The following LPIN2 variants were observed in gnomAD, a reference collection of about 807,000 sequenced individuals.
LPIN2 encodes the protein lipin 2.
A neutral mutation model predicts 111.4 loss-of-function variants in LPIN2; 55 were observed. That is an observed-to-expected ratio of 0.49 (90% CI 0.40 to 0.62). LPIN2 has a LOEUF of 0.62. Among genes scored for constraint, LPIN2 ranks in the 20% least tolerant of loss-of-function variants. LPIN2 has a pLI of 0.00. For missense variants in LPIN2, 992 were observed against 1,112.1 expected, an observed-to-expected ratio of 0.89 and a Z score of 1.54; for synonymous variants, 425 against 414.0, an observed-to-expected ratio of 1.03 and a Z score of -0.32.
chr18:3,009,858 T>TA (rs1385408328), intron 1 of LPIN2, among the ~76,000 whole-genome samples: 2 of 152,252 alleles, frequency 1.3e-5, no homozygotes, highest in Non-Finnish European at 2.9e-5. Context: ...ATCAAATTAG[T>TA]AAAAATGTTT....
intron 4 of LPIN2, among the ~76,000 whole-genome samples, chr18:2,945,342 C>T (rs1209054311): frequency 4.6e-5 from 7 of 152,094 alleles, no homozygotes; most frequent in African/African-American, 1.4e-4. Context: ...TAGGGAGAAA[C>T]GAATAATCAA....
chr18:2,996,277 T>C (rs2078339862), intron 1 of LPIN2, among the ~76,000 whole-genome samples: 1 of 150,392 alleles, frequency 6.6e-6, no homozygotes, highest in Admixed American at 6.6e-5. Flanking sequence ...GAGTGGGAGG[T>C]TGCAGTGAGC....
At chr18:2,939,404 C>T (rs1260592661) in intron 6 of LPIN2, 76 bp downstream of exon 6, 2 of 1,587,022 alleles carry the variant, frequency 1.3e-6, no homozygotes. Flanking sequence ...AAATTGCCTC[C>T]TTTACTTATG....
intron 1 of LPIN2, among the ~76,000 whole-genome samples, chr18:2,971,984 T>C (rs963828825): frequency 6.6e-6 from 1 of 151,552 alleles, no homozygotes; most frequent in Non-Finnish European, 1.5e-5. Context: ...GAGGTGGAGG[T>C]TGCAGTGAGC....
chr18:2,969,135 T>G (rs1226595164), intron 1 of LPIN2, among the ~76,000 whole-genome samples: 1 of 152,200 alleles, frequency 6.6e-6, no homozygotes, highest in Non-Finnish European at 1.5e-5. Context: ...CTGGGTGGTT[T>G]TAAAAAATGC....
intron 1 of LPIN2, among the ~76,000 whole-genome samples, chr18:2,984,435 A>T (rs763041087): frequency 1.3e-5 from 2 of 152,172 alleles, no homozygotes; most frequent in Non-Finnish European, 2.9e-5. Context: ...TCCATGATCT[A>T]CTGCAGTTCA....
At position 2,946,255 on chromosome 18, in the gene LPIN2, T is replaced by C. The variant is rs749161649; in HGVS notation, c.590+4800A>G. On this transcript the variant is annotated intron_variant, in intron 4 of 19. Transcript: ENST00000677752. ...CTACTGTCTTAGGGGCTTGAATGTG[T>C]TCCTGAAATTTTGGTTTTAATTCAG... 3.9e-6 allele frequency: 6 copies of C among 1,550,360 alleles called. No homozygotes were observed. In the African/African-American group the frequency reaches 6.8e-5, roughly 18 times the overall value.
At chr18:2,951,490 C>T in intron 3 of LPIN2, 134 bp from the exon 4 acceptor site, 1 of 794,496 alleles carries the variant, frequency 1.3e-6, no homozygotes, top group Admixed American at 2.4e-5. Flanking sequence ...GCAAGAAAGT[C>T]CCACTGAACT....
intron 1 of LPIN2, among the ~76,000 whole-genome samples, chr18:2,983,362 A>C (rs1028888725): frequency 6.6e-5 from 10 of 152,210 alleles, no homozygotes; most frequent in African/African-American, 2.4e-4. Context: ...GTATATAACA[A>C]GCAGAATTTA....
chr18:2,928,730 G>C, intron 10 of LPIN2, 70 bp from the exon 11 acceptor site: 1 of 1,078,702 alleles, frequency 9.3e-7, no homozygotes, highest in Non-Finnish European at 1.4e-6. Context: ...GAGGGAATCA[G>C]GGAGGGAGGG....
At chr18:2,975,135 T>C (rs1224086740) in intron 1 of LPIN2, among the ~76,000 whole-genome samples, 5 of 152,176 alleles carry the variant, frequency 3.3e-5, no homozygotes, top group Admixed American at 2.6e-4. Flanking sequence ...AAGCAACTTA[T>C]CTATAGTCTA....
intron 1 of LPIN2, among the ~76,000 whole-genome samples, chr18:3,005,635 C>T (rs1598616107): frequency 6.6e-6 from 1 of 151,264 alleles, no homozygotes; most frequent in African/African-American, 2.4e-5. Context: ...TGAAATCGTG[C>T]CACTGTACTC....
At chr18:2,998,376 C>G (rs1431042937) in intron 1 of LPIN2, among the ~76,000 whole-genome samples, 1 of 152,226 alleles carries the variant, frequency 6.6e-6, no homozygotes, top group East Asian at 1.9e-4. Flanking sequence ...GTCAGCGAAA[C>G]AGCACTTGAA....
chr18:2,951,681 G>A (rs1470512966), intron 3 of LPIN2, among the ~76,000 whole-genome samples: 4 of 152,106 alleles, frequency 2.6e-5, no homozygotes, highest in African/African-American at 9.7e-5. Context: ...AAAGATCAAA[G>A]CAGCAACAAA....
chr18:2,926,515 CA>C (rs2077133518), intron 13 of LPIN2, among the ~76,000 whole-genome samples: 1 of 151,818 alleles, frequency 6.6e-6, no homozygotes, highest in Non-Finnish European at 1.5e-5. Context: ...CACGGCTCCA[CA>C]AGGAGGCAGG....
Position 2,925,401 on chromosome 18 carries a change from A to AG in LPIN2, c.1794-34dup. On this transcript the variant is annotated intron_variant, in intron 13 of 19. Coordinates refer to ENST00000677752, the MANE Select transcript of LPIN2 (RefSeq NM_001375808.2). The surrounding 1 kb of genome is among the most constrained non-coding windows in gnomAD (Gnocchi z 4.1). ...ACATTAGCCCAGTTACGGAAGAGGC[A>AG]GCAGGGCATTTTATTGATGAGAGCT... 1 of 1,613,870 alleles carries AG rather than the reference A, an allele frequency of 6.2e-7. No individual in the cohort carries two copies. The highest frequency in any genetic ancestry group is 1.1e-5 in the South Asian group (1 of 91,076).
chr18:2,983,896 G>A (rs555280842), intron 1 of LPIN2, among the ~76,000 whole-genome samples: 19 of 151,820 alleles, frequency 1.3e-4, no homozygotes, highest in Non-Finnish European at 2.5e-4. Flanking sequence ...CTAAGGCCCC[G>A]AGACAATCTT....
intron 1 of LPIN2, among the ~76,000 whole-genome samples, chr18:2,973,511 G>A (rs1381417480): frequency 6.6e-6 from 1 of 152,208 alleles, no homozygotes; most frequent in Non-Finnish European, 1.5e-5. Flanking sequence ...ACTGCTGCAT[G>A]TATCAGTAGT....
In LPIN2 at chr18:2,920,763, T is replaced by C. The variant is rs201085215; in HGVS notation, c.2546+15A>G. 31 of 1,580,800 alleles carry C rather than the reference T, an allele frequency of 2.0e-5. No homozygotes were observed. The highest frequency in any genetic ancestry group is 2.6e-6 in the Non-Finnish European group (3 of 1,149,572). On this transcript the variant is annotated intron_variant, in intron 19 of 19. Coordinates refer to ENST00000677752, the MANE Select transcript of LPIN2 (RefSeq NM_001375808.2). ...GGCTGCAGGGCGCCGGGCTGAGAGC[T>C]GAGAATGTACTTACGATGACTTGTT...
Sources: gnomAD v4.1 joint callset for allele counts (sites outside exome capture counted in the v4.1 genomes callset) on GRCh38, gnomAD v4.1.1 for gene constraint, Gnocchi (gnomAD v3.1) non-coding constraint, MANE v1.5 for transcripts, NCBI Gene and HGNC (gene_info 2026-07-23, HGNC 2026-07-21) for gene names.